Variants in NELL1 observed in about 807,000 individuals in gnomAD.
The protein encoded by NELL1 is protein kinase C-binding protein NELL1.
In NELL1, 76 loss-of-function variants were observed where a neutral mutation model predicts 107.4. The ratio of observed to expected loss-of-function variants is 0.71; its 90% CI spans 0.59 to 0.86. The LOEUF (loss-of-function observed/expected upper bound fraction) is 0.86. Among genes scored for constraint, NELL1 ranks in the 40% least tolerant of loss-of-function variants. The probability of loss-of-function intolerance (pLI) is 0.00; values close to 1 mark genes in which losing one functional copy is unlikely to be tolerated. For synonymous variants in NELL1, 353 were observed against 341.2 expected, an observed-to-expected ratio of 1.03 and a Z score of -0.38; for missense variants, 1,024 against 1,005.5, an observed-to-expected ratio of 1.02 and a Z score of -0.25.
intron 12 of NELL1, among the ~76,000 whole-genome samples, chr11:21,030,970 A>G (rs905440353): frequency 6.6e-6 from 1 of 152,084 alleles, no homozygotes; most frequent in Admixed American, 6.6e-5. Context: ...GGCTCAGGCA[A>G]TTCTCTGGCC....
At chr11:20,771,176 A>G (rs1051675842) in intron 2 of NELL1, among the ~76,000 whole-genome samples, 5 of 152,098 alleles carry the variant, frequency 3.3e-5, no homozygotes, top group South Asian at 2.1e-4. Context: ...TGGGACCCCA[A>G]TAAAGCCAAC....
chr11:21,345,690 C>T (rs531403672), intron 14 of NELL1, among the ~76,000 whole-genome samples: 6 of 152,300 alleles, frequency 3.9e-5, no homozygotes, highest in East Asian at 3.9e-4. Context: ...AGCACGACTT[C>T]GCTGACTGCT....
chr11:21,532,078 G>A (rs1404571753), intron 15 of NELL1, among the ~76,000 whole-genome samples: 1 of 152,162 alleles, frequency 6.6e-6, no homozygotes, highest in Non-Finnish European at 1.5e-5. Flanking sequence ...TACAGCCTAG[G>A]CACCAGCATG....
intron 13 of NELL1, among the ~76,000 whole-genome samples, chr11:21,178,753 G>T (rs959287091): frequency 7.0e-6 from 1 of 143,086 alleles, no homozygotes; most frequent in Non-Finnish European, 1.5e-5. Flanking sequence ...GACAGAGTGA[G>T]AACTTGTCTT....
At chr11:20,750,377 T>C (rs1856105323) in intron 2 of NELL1, among the ~76,000 whole-genome samples, 1 of 152,098 alleles carries the variant, frequency 6.6e-6, no homozygotes, top group South Asian at 2.1e-4. Context: ...GCTTATCTAT[T>C]CATATTCTTG....
At chr11:21,347,785 TGAGTC>T (rs1850717142) in intron 14 of NELL1, among the ~76,000 whole-genome samples, 1 of 152,112 alleles carries the variant, frequency 6.6e-6, no homozygotes, top group African/African-American at 2.4e-5. Context: ...AGTTTGGAGC[TGAGTC>T]AAGTGCAGAT....
intron 15 of NELL1, among the ~76,000 whole-genome samples, chr11:21,482,690 C>A (rs1854522665): frequency 1.3e-5 from 2 of 151,784 alleles, no homozygotes; most frequent in South Asian, 2.1e-4. Flanking sequence ...TACTCACTCT[C>A]CAGTGGTGGA....
At chr11:20,814,242 C>G (rs899970225) in intron 3 of NELL1, among the ~76,000 whole-genome samples, 18 of 152,206 alleles carry the variant, frequency 1.2e-4, no homozygotes, top group Non-Finnish European at 2.1e-4. Flanking sequence ...GATCCGCCCG[C>G]CTCGGCCTCC....
At chr11:20,705,843 A>G (rs974524743) in intron 2 of NELL1, among the ~76,000 whole-genome samples, 102 of 152,080 alleles carry the variant, frequency 6.7e-4, no homozygotes, top group African/African-American at 2.4e-3. Context: ...ACCCCATCAA[A>G]AAGTGGGCAA....
chr11:20,864,097 GGAAAGAGA>G (rs61679558), intron 4 of NELL1, among the ~76,000 whole-genome samples: 6,186 of 33,580 alleles, frequency 0.18, 386 homozygotes, highest in African/African-American at 0.24. Context: ...GGGAGACCGT[GGAAAGAGA>G]GGGAGAGGGA....
rs542060426 is a variant in NELL1 at position 20,814,398 on chromosome 11, C to T, written c.335+30568C>T. ...TTGGAGTACAACTGATCCTGTCACC[C>T]AGGTGCTGAGCACAGTACCTACTAG... On this transcript the variant is annotated intron_variant, in intron 3 of 19. Coordinates refer to ENST00000357134, the MANE Select transcript of NELL1 (RefSeq NM_006157.5). Among the ~76,000 whole-genome samples the T allele has an allele frequency of 3.3e-5, 5 of 152,324 alleles. No individual in the cohort carries two copies. The East Asian group carries it at 9.6e-4, about 29-fold the overall frequency.
intron 14 of NELL1, among the ~76,000 whole-genome samples, chr11:21,296,618 G>T (rs1005512877): frequency 6.6e-6 from 1 of 151,848 alleles, no homozygotes; most frequent in East Asian, 1.9e-4. Context: ...AGACAAATGG[G>T]GAAGGAAGAA....
At chr11:20,693,905 C>T (rs550363189) in intron 2 of NELL1, among the ~76,000 whole-genome samples, 87 of 152,222 alleles carry the variant, frequency 5.7e-4, no homozygotes, top group African/African-American at 1.9e-3. Flanking sequence ...CCATTCTCCC[C>T]GTCACTTTCA....
chr11:21,333,739 G>T (rs957743136), intron 14 of NELL1, among the ~76,000 whole-genome samples: 1 of 151,998 alleles, frequency 6.6e-6, no homozygotes, highest in Non-Finnish European at 1.5e-5. Context: ...AGTAGTGATT[G>T]TGTCACTTTT....
chr11:20,735,842 T>C (rs1283037588), intron 2 of NELL1, among the ~76,000 whole-genome samples: 1 of 152,172 alleles, frequency 6.6e-6, no homozygotes, highest in Non-Finnish European at 1.5e-5. Context: ...GGGAGTTTTT[T>C]CTTAAGGTCA....
chr11:21,275,948 T>C (rs1345396830), intron 14 of NELL1, among the ~76,000 whole-genome samples: 2 of 152,198 alleles, frequency 1.3e-5, no homozygotes, highest in African/African-American at 4.8e-5. Flanking sequence ...AATATCATAC[T>C]GAATAGGCAA....
chr11:21,206,768 A>G (rs1055568829), intron 13 of NELL1, among the ~76,000 whole-genome samples: 2 of 152,210 alleles, frequency 1.3e-5, no homozygotes, highest in Non-Finnish European at 2.9e-5. Flanking sequence ...AGAAAGGGAA[A>G]GAACAACATG....
chr11:20,989,058 T>C (rs930370994), intron 12 of NELL1, among the ~76,000 whole-genome samples: 1 of 152,154 alleles, frequency 6.6e-6, no homozygotes, highest in Non-Finnish European at 1.5e-5. Context: ...CCCTTGGTGG[T>C]ATTGGTGAAA....
At chr11:20,801,291 G>C (rs1857276197) in intron 3 of NELL1, among the ~76,000 whole-genome samples, 1 of 152,192 alleles carries the variant, frequency 6.6e-6, no homozygotes, top group African/African-American at 2.4e-5. Context: ...GATGCTGCCT[G>C]GCCCCTGTAG....
Sources: gnomAD v4.1 joint callset for allele counts (sites outside exome capture counted in the v4.1 genomes callset) on GRCh38, gnomAD v4.1.1 for gene constraint, MANE v1.5 for transcripts, NCBI Gene and HGNC (gene_info 2026-07-23, HGNC 2026-07-21) for gene names.